Variants in CELF1 observed in about 807,000 individuals in gnomAD.
The protein encoded by CELF1 is CUGBP Elav-like family member 1.
Under a neutral mutation model 61.8 loss-of-function variants are expected in CELF1, and 10 were observed. The observed-to-expected ratio is 0.16, with a 90% CI of 0.10 to 0.27. The LOEUF (loss-of-function observed/expected upper bound fraction) is 0.27. Ranked by LOEUF, CELF1 falls within the 10% of genes least tolerant of loss-of-function variation. CELF1 has a pLI of 1.00. For missense variants in CELF1, 380 were observed against 639.1 expected, an observed-to-expected ratio of 0.59 and a Z score of 4.37; for synonymous variants, 236 against 225.1, an observed-to-expected ratio of 1.05 and a Z score of -0.43.
intron 1 of CELF1, 37 bp downstream of exon 1, chr11:47,552,955 C>A: frequency 2.5e-6 from 1 of 397,898 alleles, no homozygotes; most frequent in South Asian, 1.3e-4. Context: ...CCCTCCCTCC[C>A]TCCCGCGGCC....
chr11:47,521,622 T>C (rs1034388274), intron 1 of CELF1, among the ~76,000 whole-genome samples: 2 of 152,238 alleles, frequency 1.3e-5, no homozygotes, highest in African/African-American at 4.8e-5. Context: ...ATTAAATTTA[T>C]ACATGTAAAG....
intron 13 of CELF1, among the ~76,000 whole-genome samples, chr11:47,474,255 GCCACCCTGGCCTC>G (rs1373955422): frequency 6.6e-6 from 1 of 152,118 alleles, no homozygotes; most frequent in Admixed American, 6.5e-5. Context: ...CCATTCTCCA[GCCACCCTGGCCTC>G]CCTGTTTTTT....
chr11:47,510,183 C>A (rs932897515), intron 1 of CELF1, among the ~76,000 whole-genome samples: 1 of 152,138 alleles, frequency 6.6e-6, no homozygotes, highest in African/African-American at 2.4e-5. Context: ...TAAAATACAA[C>A]CTCATAAGAA....
At position 47,472,219 on chromosome 11, in the gene CELF1, G is replaced by C; in HGVS notation, c.*11C>G. 6.2e-7 allele frequency: 1 copy of C among 1,613,480 alleles called. No individual in the cohort carries two copies. Among genetic ancestry groups the C allele is most frequent in the South Asian group, 1.1e-5 (1 of 91,028 alleles). ...AAGACCCTCTCACTCCAGTCTCAGA[G>C]GGGAGCACGCTCAGTAGGGCTTGCT... On this transcript the variant is annotated 3_prime_UTR_variant, in exon 15 of 15. Coordinates refer to ENST00000687097, the MANE Select transcript of CELF1 (RefSeq NM_001376376.1).
chr11:47,552,749 G>A (rs1434405543), intron 1 of CELF1, among the ~76,000 whole-genome samples: 4 of 152,176 alleles, frequency 2.6e-5, no homozygotes, highest in African/African-American at 7.2e-5. Flanking sequence ...GAGGAGGGCG[G>A]GTCTCCCTGG....
At chr11:47,522,462 G>A (rs951027796) in intron 1 of CELF1, among the ~76,000 whole-genome samples, 17 of 151,976 alleles carry the variant, frequency 1.1e-4, no homozygotes, top group African/African-American at 3.9e-4. Context: ...AGAGGTTGCA[G>A]TGAGCTGAGA....
intron 3 of CELF1, among the ~76,000 whole-genome samples, chr11:47,494,903 C>A (rs1483456763): frequency 6.6e-6 from 1 of 152,204 alleles, no homozygotes; most frequent in African/African-American, 2.4e-5. Flanking sequence ...GAGACAGAGA[C>A]AGAACATTTT....
intron 3 of CELF1, among the ~76,000 whole-genome samples, chr11:47,499,045 T>A (rs1001293026): frequency 6.6e-6 from 1 of 152,146 alleles, no homozygotes; most frequent in Non-Finnish European, 1.5e-5. Flanking sequence ...GATAGGAGAC[T>A]AAGAATCCAG....
intron 2 of CELF1, among the ~76,000 whole-genome samples, chr11:47,564,171 CAAAA>C (rs779009192): frequency 1.4e-4 from 9 of 62,914 alleles, no homozygotes; most frequent in South Asian, 1.5e-3. Context: ...ACTAAAAATA[CAAAA>C]AAAAAAAAAA....
intron 2 of CELF1, among the ~76,000 whole-genome samples, chr11:47,562,523 CTA>C (rs1483225667): frequency 1.6e-5 from 1 of 64,164 alleles, no homozygotes; most frequent in Non-Finnish European, 2.7e-5. Flanking sequence ...GAGTGAAACT[CTA>C]TCTCAAAAAA....
At chr11:47,481,095 TC>T (rs775491974) in intron 9 of CELF1, among the ~76,000 whole-genome samples, 20,638 of 106,966 alleles carry the variant, frequency 0.19, 2,692 homozygotes, top group Non-Finnish European at 0.28. Flanking sequence ...TTTTTTTTTT[TC>T]TTCTTCTTTT....
intron 1 of CELF1, among the ~76,000 whole-genome samples, chr11:47,550,831 T>C (rs964424537): frequency 1.3e-5 from 2 of 152,172 alleles, no homozygotes; most frequent in Admixed American, 6.6e-5. Context: ...GCTGAACTAA[T>C]ACCATGTGAG....
At chr11:47,548,616 A>G (rs2097048631) in intron 1 of CELF1, among the ~76,000 whole-genome samples, 1 of 152,138 alleles carries the variant, frequency 6.6e-6, no homozygotes, top group Non-Finnish European at 1.5e-5. Context: ...CTGTAATCCC[A>G]GTACTTTGGG....
chr11:47,499,355 C>A, intron 3 of CELF1, 98 bp downstream of exon 3: 1 of 911,108 alleles, frequency 1.1e-6, no homozygotes, highest in Non-Finnish European at 1.7e-6. Flanking sequence ...CCCCATTTTT[C>A]TCTTCCCCTT....
At chr11:47,499,403 C>T in intron 3 of CELF1, 50 bp downstream of exon 3, 1 of 1,396,426 alleles carries the variant, frequency 7.2e-7, no homozygotes, top group East Asian at 2.5e-5. Flanking sequence ...ATAAAGAAAA[C>T]AGCCCAGTTC....
At chr11:47,525,345 A>G (rs1389677770) in intron 1 of CELF1, among the ~76,000 whole-genome samples, 1 of 152,214 alleles carries the variant, frequency 6.6e-6, no homozygotes, top group Non-Finnish European at 1.5e-5. Context: ...ATTCACTTCA[A>G]TGTGAAGTAT....
At chr11:47,536,577 C>T (rs895609462) in intron 1 of CELF1, among the ~76,000 whole-genome samples, 19 of 152,176 alleles carry the variant, frequency 1.2e-4, no homozygotes, top group African/African-American at 4.3e-4. Context: ...GCCTAGCCAA[C>T]ATGGCGAAAA....
At chr11:47,519,989 A>G (rs1227163956) in intron 1 of CELF1, among the ~76,000 whole-genome samples, 2 of 128,016 alleles carry the variant, frequency 1.6e-5, no homozygotes, top group East Asian at 2.2e-4. Context: ...CTTTGATTTC[A>G]TTTTTACAAA....
chr11:47,482,640 G>A (rs2084039029), intron 9 of CELF1, 55 bp downstream of exon 9: 1 of 1,541,138 alleles, frequency 6.5e-7, no homozygotes, highest in Non-Finnish European at 8.8e-7. Flanking sequence ...GACAGCAGAA[G>A]AAGGAACAGC....
Sources: allele counts gnomAD v4.1 joint callset (sites outside exome capture counted in the v4.1 genomes callset), GRCh38; gene constraint gnomAD v4.1.1; transcripts MANE v1.5; gene names NCBI Gene and HGNC (gene_info 2026-07-23, HGNC 2026-07-21).